CHRM3: variants seen among roughly 807,000 people sequenced by gnomAD.
CHRM3 encodes the protein cholinergic receptor muscarinic 3.
A neutral mutation model predicts 41.8 loss-of-function variants in CHRM3; 11 were observed. That is an observed-to-expected ratio of 0.26 (90% CI 0.17 to 0.44). The LOEUF (loss-of-function observed/expected upper bound fraction) is 0.44, where lower values mean the gene tolerates loss of function less well. Ranked by LOEUF, CHRM3 falls within the 20% of genes least tolerant of loss-of-function variation. The pLI, the probability that CHRM3 is intolerant of heterozygous loss-of-function variation, is 1.00. For missense variants in CHRM3, 571 were observed against 745.4 expected (o/e 0.77, Z 2.72); for synonymous variants, 297 against 301.4 (o/e 0.99, Z 0.15).
intron 1 of CHRM3, among the ~76,000 whole-genome samples, chr1:239,405,094 A>G (rs977269263): frequency 2.0e-5 from 3 of 152,196 alleles, no homozygotes; most frequent in African/African-American, 7.2e-5. Flanking sequence ...GGGACATTTT[A>G]TAAAGGTCTT....
At position 239,710,719 on chromosome 1, in the gene CHRM3, CA is replaced by C. The variant is rs1416749187; in HGVS notation, c.-147+32433del. Among the ~76,000 whole-genome samples, 8 of 152,026 alleles carry C rather than the reference CA, an allele frequency of 5.3e-5. No individual in the cohort carries two copies. In the East Asian group the frequency reaches 1.5e-3, roughly 29 times the overall value. On this transcript the variant is annotated intron_variant, in intron 5 of 6. Transcript: ENST00000676153. Reference sequence around the variant, plus strand: ...AAATTAATATTTTTTTCTTATATCTCAATTCTTGACAAGTTGCTTGTTTCTA... The same window carrying C: ...AAATTAATATTTTTTTCTTATATCTCATTCTTGACAAGTTGCTTGTTTCTA...
intron 4 of CHRM3, among the ~76,000 whole-genome samples, chr1:239,657,207 T>C (rs1230509051): frequency 6.6e-6 from 1 of 152,232 alleles, no homozygotes; most frequent in Non-Finnish European, 1.5e-5. Context: ...CAAAATTATT[T>C]TGGAGACTCC....
intron 1 of CHRM3, among the ~76,000 whole-genome samples, chr1:239,469,643 G>A (rs913431030): frequency 6.6e-6 from 1 of 151,996 alleles, no homozygotes; most frequent in Non-Finnish European, 1.5e-5. Context: ...TGCAACCTCT[G>A]CCTCCCGAGT....
intron 5 of CHRM3, among the ~76,000 whole-genome samples, chr1:239,775,806 T>C (rs1440573437): frequency 6.6e-6 from 1 of 152,176 alleles, no homozygotes; most frequent in Non-Finnish European, 1.5e-5. Context: ...GAGAAGGAGC[T>C]GAAGGCTTGG....
intron 6 of CHRM3, among the ~76,000 whole-genome samples, chr1:239,866,263 G>A (rs1456372122): frequency 6.6e-6 from 1 of 152,082 alleles, no homozygotes; most frequent in African/African-American, 2.4e-5. Context: ...TGTAGTCCCA[G>A]CTACTCGGGA....
chr1:239,588,823 A>G (rs923931389), intron 3 of CHRM3, among the ~76,000 whole-genome samples: 1 of 152,206 alleles, frequency 6.6e-6, no homozygotes. Flanking sequence ...ATACATGTAT[A>G]TATTTCTCAA....
chr1:239,736,714 C>T (rs1664424433), intron 5 of CHRM3, among the ~76,000 whole-genome samples: 1 of 152,122 alleles, frequency 6.6e-6, no homozygotes, highest in Non-Finnish European at 1.5e-5. Flanking sequence ...ACCAGCTATG[C>T]CAATACAATT....
At chr1:239,867,274 A>C (rs141632394) in intron 6 of CHRM3, among the ~76,000 whole-genome samples, 5 of 152,376 alleles carry the variant, frequency 3.3e-5, no homozygotes, top group African/African-American at 7.2e-5. Context: ...CGAAGCTTGT[A>C]CATACAAAAC....
rs1659836689 is a variant in CHRM3 at position 239,551,577 on chromosome 1, AG to A, written c.-313+5830del. Among the ~76,000 whole-genome samples, 3 of 151,984 alleles carry A rather than the reference AG, an allele frequency of 2.0e-5. No individual in the cohort carries two copies. The South Asian group carries it at 6.2e-4, about 32-fold the overall frequency. On this transcript the variant is annotated intron_variant, in intron 3 of 6. Coordinates refer to ENST00000676153, the MANE Select transcript of CHRM3 (RefSeq NM_001375978.1). ...AAATGAGTAGCTATACATCACTCAG[AG>A]GAGGACTTAAACTTGTTTGATTTAA...
Position 239,914,310 on chromosome 1 carries a change from T to C in CHRM3, c.*5086T>C, listed in dbSNP as rs1377417667. ...GTGGCTCACACAGAATCTGGCAAATTGCATATATTCAATAAATGTTGAATA... is the reference window on the plus strand; with the variant it reads ...GTGGCTCACACAGAATCTGGCAAATCGCATATATTCAATAAATGTTGAATA... On this transcript the variant is annotated 3_prime_UTR_variant, in exon 7 of 7. Transcript: ENST00000676153. 4 of 167,104 alleles carry C rather than the reference T, an allele frequency of 2.4e-5. No homozygotes were observed. Among genetic ancestry groups the C allele is most frequent in the Non-Finnish European group, 4.4e-5 (3 of 68,130 alleles). The allele number at this position is 167,104 out of a possible 1,614,324, so 10.4% of individuals were successfully genotyped here.
chr1:239,857,660 G>A (rs926723245), intron 6 of CHRM3, among the ~76,000 whole-genome samples: 6 of 152,120 alleles, frequency 3.9e-5, no homozygotes, highest in African/African-American at 1.4e-4. Context: ...GATGCCAGAG[G>A]CTCTCTTAGA....
intron 5 of CHRM3, among the ~76,000 whole-genome samples, chr1:239,754,822 T>G (rs1253703127): frequency 6.6e-6 from 1 of 152,086 alleles, no homozygotes; most frequent in Non-Finnish European, 1.5e-5. Context: ...AATTCATGAG[T>G]TACGGTCTAG....
intron 1 of CHRM3, among the ~76,000 whole-genome samples, chr1:239,461,998 G>C (rs1036980177): frequency 3.9e-5 from 6 of 152,090 alleles, no homozygotes; most frequent in African/African-American, 1.4e-4. Context: ...CCACCCTTGG[G>C]TAATACCGCT....
At chr1:239,495,706 G>A (rs7516042) in intron 2 of CHRM3, among the ~76,000 whole-genome samples, 48,140 of 151,958 alleles carry the variant, frequency 0.32, 9,549 homozygotes, top group East Asian at 0.6. Context: ...GAATGGGGAT[G>A]GTAATAACAA....
intron 5 of CHRM3, among the ~76,000 whole-genome samples, chr1:239,815,895 G>C (rs1319810289): frequency 6.6e-6 from 1 of 152,182 alleles, no homozygotes; most frequent in Non-Finnish European, 1.5e-5. Context: ...CGCAGTGACA[G>C]CACTTCAGCA....
intron 6 of CHRM3, among the ~76,000 whole-genome samples, chr1:239,874,306 T>TACACAGTATATAG (rs1558199216): frequency 5.6e-5 from 7 of 124,498 alleles, no homozygotes; most frequent in African/African-American, 2.5e-4. Flanking sequence ...TATATATATA[T>TACACAGTATATAG]ATATATATAT....
intron 3 of CHRM3, among the ~76,000 whole-genome samples, chr1:239,584,246 G>A (rs1663189468): frequency 6.6e-6 from 1 of 151,754 alleles, no homozygotes; most frequent in African/African-American, 2.4e-5. Flanking sequence ...TGGGATTACA[G>A]GTGTGTGCCA....
chr1:239,450,216 G>T (rs1664465291), intron 1 of CHRM3, among the ~76,000 whole-genome samples: 1 of 152,100 alleles, frequency 6.6e-6, no homozygotes, highest in African/African-American at 2.4e-5. Flanking sequence ...GATTGTAAAT[G>T]AAACTTAAGT....
At chr1:239,833,892 C>T (rs1673085947) in intron 6 of CHRM3, among the ~76,000 whole-genome samples, 1 of 152,152 alleles carries the variant, frequency 6.6e-6, no homozygotes, top group South Asian at 2.1e-4. Flanking sequence ...GTACACCCAC[C>T]TGTTCCTGCA....
Sources: allele counts gnomAD v4.1 joint callset (sites outside exome capture counted in the v4.1 genomes callset), GRCh38; gene constraint gnomAD v4.1.1; transcripts MANE v1.5; gene names NCBI Gene and HGNC (gene_info 2026-07-23, HGNC 2026-07-21).